The following MAST3 variants were observed in gnomAD, a reference collection of about 807,000 sequenced individuals.
MAST3 encodes the protein microtubule associated serine/threonine kinase 3.
In MAST3, 43 loss-of-function variants were observed where a neutral mutation model predicts 127.0. The ratio of observed to expected loss-of-function variants is 0.34; its 90% CI spans 0.27 to 0.44. The LOEUF is 0.44. Among genes scored for constraint, MAST3 ranks in the 20% least tolerant of loss-of-function variants. The pLI, the probability that MAST3 is intolerant of heterozygous loss-of-function variation, is 1.00. For synonymous variants in MAST3, 785 were observed against 809.2 expected (o/e 0.97, Z 0.51); for missense variants, 1,390 against 1,919.1 (o/e 0.72, Z 5.15).
At chr19:18,122,202 ATCAT>A (rs1242955703) in intron 5 of MAST3, 13 of 865,732 alleles carry the variant, frequency 1.5e-5, no homozygotes, top group African/African-American at 1.8e-5. Context: ...CACTAAAGAA[ATCAT>A]TCATTCATTC....
At chr19:18,148,869 C>T (rs887798070) in intron 27 of MAST3, among the ~76,000 whole-genome samples, 1 of 151,080 alleles carries the variant, frequency 6.6e-6, no homozygotes, top group African/African-American at 2.4e-5. Context: ...TGCCACTGCA[C>T]TCCAGCCTGG....
rs1393038501 is a variant in MAST3, at chr19:18,149,448, C to T, written c.3766C>T (p.Leu1256=). Reference sequence around the variant, plus strand: ...GCCCGCACCTGCCCGATCCCCGCGGCTGCGCCGGGGCCAGTCAGCTGACAA... The same window carrying T: ...GCCCGCACCTGCCCGATCCCCGCGGTTGCGCCGGGGCCAGTCAGCTGACAA... ...HPPAPARSPR[L]RRGQSADKLG... The change falls in exon 28 of 28, where the codon CTG becomes TTG. Residue 1256 remains leucine (L), a synonymous_variant. Coordinates refer to ENST00000687212, the MANE Select transcript of MAST3 (RefSeq NM_001393504.1). The surrounding 1 kb of genome is among the most constrained non-coding windows in gnomAD (Gnocchi z 5.9). 2 of 1,529,452 alleles carry T rather than the reference C, an allele frequency of 1.3e-6. No homozygotes were observed. The highest frequency in any genetic ancestry group is 4.2e-4 in the Middle Eastern group (2 of 4,786). 94.7% of individuals were successfully genotyped at this position (1,529,452 alleles called of 1,614,324 possible). A position where few individuals can be genotyped will look rare whatever the true frequency, so the allele number is the denominator to read the frequency against.
chr19:18,145,283 G>T lies in MAST3; in HGVS notation c.3039+54G>T, dbSNP rs2042911823. ...CCGGGTTCTAGTTTGACTCTGCCCG[G>T]TCATGTCCCTTCTCAGAGCTGCATT... On this transcript the variant is annotated intron_variant, in intron 24 of 27. Transcript: ENST00000687212. The surrounding 1 kb of genome is among the most constrained non-coding windows in gnomAD (Gnocchi z 5.9). The T allele has an allele frequency of 7.1e-6, 11 of 1,539,168 alleles. No homozygotes were observed. Among genetic ancestry groups the T allele is most frequent in the Admixed American group, 6.7e-5 (4 of 59,580 alleles).
chr19:18,108,710 G>T (rs117226863), intron 2 of MAST3, among the ~76,000 whole-genome samples: 1 of 151,992 alleles, frequency 6.6e-6, no homozygotes, highest in Non-Finnish European at 1.5e-5. Flanking sequence ...GAACATTATT[G>T]TTCAATGCTT....
Position 18,135,847 on chromosome 19 carries a change from T to C in MAST3, c.1972+6T>C. Reference sequence around the variant, plus strand: ...GCTGGACCGTCTGGGCACTGGTATGTAGTGTGGGGGAGAACCCAGGTGGGT... The same window carrying C: ...GCTGGACCGTCTGGGCACTGGTATGCAGTGTGGGGGAGAACCCAGGTGGGT... On this transcript the variant is annotated splice_donor_region_variant and intron_variant, in intron 18 of 27. Transcript: ENST00000687212. The C allele has an allele frequency of 6.3e-7, 1 of 1,596,682 alleles. No homozygotes were observed. The highest frequency in any genetic ancestry group is 1.1e-5 in the South Asian group (1 of 88,640).
chr19:18,114,882 G>T (rs768855457), intron 3 of MAST3, among the ~76,000 whole-genome samples: 3 of 152,170 alleles, frequency 2.0e-5, no homozygotes, highest in Admixed American at 6.5e-5. Context: ...AGAGTGTGGT[G>T]CTGGGAGCGG....
In MAST3 at chr19:18,128,961, T is replaced by A; in HGVS notation, c.1223+10T>A. On this transcript the variant is annotated intron_variant, in intron 13 of 27. Coordinates refer to ENST00000687212, the MANE Select transcript of MAST3 (RefSeq NM_001393504.1). The stretch of plus-strand genomic sequence containing the variant: ...GCAACGGAGCCTATGGGTGAGTCCC[T>A]GAGTCCTGCATAGACCCATTTCACA... 6.2e-7 allele frequency: 1 copy of A among 1,612,912 alleles called. No homozygotes were observed. The highest frequency in any genetic ancestry group is 8.5e-7 in the Non-Finnish European group (1 of 1,179,002).
Position 18,110,245 on chromosome 19 carries a change from G to A in MAST3, c.72-407G>A. On this transcript the variant is annotated intron_variant, in intron 2 of 27. Coordinates refer to ENST00000687212, the MANE Select transcript of MAST3 (RefSeq NM_001393504.1). This position sits in a 1 kb window ranked among gnomAD's most constrained non-coding sequence, Gnocchi z 4.3. Reference sequence around the variant, plus strand: ...TGTGTCCGTCCGTCGGTCCGCTCGCGCCACGATCAGGGCTTCCGGGGGCCA... The same window carrying A: ...TGTGTCCGTCCGTCGGTCCGCTCGCACCACGATCAGGGCTTCCGGGGGCCA... The A allele has an allele frequency of 1.0e-6, 1 of 985,520 alleles. No homozygotes were observed. Among genetic ancestry groups the A allele is most frequent in the Non-Finnish European group, 1.2e-6 (1 of 830,002 alleles). The allele number at this position is 985,520 out of a possible 1,614,324, so 61.0% of individuals were successfully genotyped here.
intron 15 of MAST3, among the ~76,000 whole-genome samples, chr19:18,132,910 C>T (rs2041475503): frequency 6.6e-6 from 1 of 152,200 alleles, no homozygotes; most frequent in Admixed American, 6.5e-5. Flanking sequence ...CAAGCCCAGC[C>T]TGGCCAACAT....
intron 3 of MAST3, among the ~76,000 whole-genome samples, chr19:18,120,027 G>C (rs954109109): frequency 6.6e-6 from 1 of 152,154 alleles, no homozygotes; most frequent in African/African-American, 2.4e-5. Flanking sequence ...GGACGGTGTC[G>C]CTCCCAACTT....
chr19:18,106,737 A>G (rs1212501810), intron 1 of MAST3, among the ~76,000 whole-genome samples: 1 of 150,518 alleles, frequency 6.6e-6, no homozygotes, highest in African/African-American at 2.5e-5. Flanking sequence ...ATGCCTGGCT[A>G]ATTTTGTATT....
chr19:18,144,856 C>T lies in MAST3; in HGVS notation c.2813-147C>T. The T allele has an allele frequency of 1.1e-6, 1 of 875,980 alleles. No individual in the cohort carries two copies. The highest frequency in any genetic ancestry group is 1.8e-6 in the Non-Finnish European group (1 of 548,478). The allele number at this position is 875,980 out of a possible 1,614,324, so 54.3% of individuals were successfully genotyped here. ...GAGATGGTGTTCCCAGTAGAGGGCA[C>T]TGCACGTGCAAAGGCCTGGTGGGGT... On this transcript the variant is annotated intron_variant, in intron 23 of 27. Coordinates refer to ENST00000687212, the MANE Select transcript of MAST3 (RefSeq NM_001393504.1). This position sits in a 1 kb window ranked among gnomAD's most constrained non-coding sequence, Gnocchi z 4.0.
chr19:18,128,762 G>A (rs977844526), intron 12 of MAST3, 104 bp from the exon 13 acceptor site: 7 of 882,208 alleles, frequency 7.9e-6, no homozygotes, highest in South Asian at 5.5e-5. Context: ...GGACAGGGGA[G>A]GAGGTAGCAT....
At chr19:18,109,474 G>C (rs1239910253) in intron 2 of MAST3, among the ~76,000 whole-genome samples, 1 of 152,184 alleles carries the variant, frequency 6.6e-6, no homozygotes, top group Non-Finnish European at 1.5e-5. Flanking sequence ...CTTGGGGCAG[G>C]ACAGAGCCAA....
intron 5 of MAST3, 45 bp from the exon 6 acceptor site, chr19:18,122,628 C>T (rs767933203): frequency 3.2e-6 from 5 of 1,550,828 alleles, no homozygotes; most frequent in Non-Finnish European, 4.4e-6. Context: ...CCACAAACCA[C>T]AGGGGCCAGG....
At chr19:18,141,578 G>T (rs2042495108) in intron 20 of MAST3, among the ~76,000 whole-genome samples, 1 of 151,812 alleles carries the variant, frequency 6.6e-6, no homozygotes, top group South Asian at 2.1e-4. Context: ...TCACCATGTT[G>T]ACCAGGCTGG....
At chr19:18,109,861 C>A in intron 2 of MAST3, 1 of 851,088 alleles carries the variant, frequency 1.2e-6, no homozygotes, top group Non-Finnish European at 1.4e-6. Flanking sequence ...GGGCGGACTG[C>A]GCTCAGATCC....
intron 11 of MAST3, among the ~76,000 whole-genome samples, chr19:18,125,984 A>G (rs1599767916): frequency 6.7e-6 from 1 of 149,048 alleles, no homozygotes; most frequent in Non-Finnish European, 1.5e-5. Flanking sequence ...GCTTGAACTC[A>G]GGAGGCAGAG....
rs1364972265 is a variant in MAST3, at chr19:18,112,739, A to G, written c.161+1998A>G. ...ACCCGCCTTGGCTTCCCAAAGTGCT[A>G]GGATTATAGGCGTGAGCCACTGCAC... is the stretch of plus-strand genomic sequence containing the variant. On this transcript the variant is annotated intron_variant, in intron 3 of 27. Coordinates refer to ENST00000687212, the MANE Select transcript of MAST3 (RefSeq NM_001393504.1). This position sits in a 1 kb window ranked among gnomAD's most constrained non-coding sequence, Gnocchi z 4.1. Among the ~76,000 whole-genome samples, 9 of 152,144 alleles carry G rather than the reference A, an allele frequency of 5.9e-5. No individual in the cohort carries two copies. The East Asian group carries it at 1.7e-3, about 29-fold the overall frequency.
Sources: gnomAD v4.1 joint callset for allele counts (sites outside exome capture counted in the v4.1 genomes callset) on GRCh38, gnomAD v4.1.1 for gene constraint, Gnocchi (gnomAD v3.1) non-coding constraint, MANE v1.5 for transcripts, NCBI Gene and HGNC (gene_info 2026-07-23, HGNC 2026-07-21) for gene names.